CADM2: variants seen among roughly 807,000 people sequenced by gnomAD.
CADM2 encodes the protein immunoglobulin superfamily member 4D.
Under a neutral mutation model 49.8 loss-of-function variants are expected in CADM2, and 12 were observed. The ratio of observed to expected loss-of-function variants is 0.24; its 90% CI spans 0.15 to 0.39. The LOEUF is 0.39. Among genes scored for constraint, CADM2 ranks in the 10% least tolerant of loss-of-function variants. CADM2 has a pLI of 1.00. For synonymous variants in CADM2, 214 were observed against 175.4 expected (o/e 1.22, Z -1.74); for missense variants, 378 against 492.3 (o/e 0.77, Z 2.20).
chr3:85,153,107 C>G (rs531368964), intron 1 of CADM2, among the ~76,000 whole-genome samples: 1 of 152,152 alleles, frequency 6.6e-6, no homozygotes, highest in African/African-American at 2.4e-5. Context: ...AGGAACAGCT[C>G]CAGTCTCCAG....
intron 1 of CADM2, among the ~76,000 whole-genome samples, chr3:85,416,667 G>A (rs935593242): frequency 6.6e-6 from 1 of 152,172 alleles, no homozygotes; most frequent in African/African-American, 2.4e-5. Context: ...CTAGGGACAA[G>A]CCTGGAATAC....
At chr3:85,760,899 G>A (rs73845644) in intron 2 of CADM2, among the ~76,000 whole-genome samples, 8,153 of 152,208 alleles carry the variant, frequency 0.054, 631 homozygotes, top group African/African-American at 0.17. Context: ...CAAAATGGTA[G>A]AAAGGTATAC....
intron 8 of CADM2, among the ~76,000 whole-genome samples, chr3:86,064,810 G>A (rs1342584318): frequency 1.3e-5 from 2 of 152,136 alleles, no homozygotes; most frequent in African/African-American, 2.4e-5. Flanking sequence ...TAAAATCCTA[G>A]TAAATGCAGA....
chr3:85,794,871 A>G (rs1468470157), intron 2 of CADM2, among the ~76,000 whole-genome samples: 2 of 152,168 alleles, frequency 1.3e-5, no homozygotes, highest in African/African-American at 4.8e-5. Context: ...GTTGATTCAT[A>G]CAAAGCAAGG....
At chr3:85,912,997 G>C (rs1355597411) in intron 6 of CADM2, among the ~76,000 whole-genome samples, 1 of 152,082 alleles carries the variant, frequency 6.6e-6, no homozygotes. Flanking sequence ...ATAAATATAG[G>C]AGCTTATTTA....
chr3:85,809,658 C>CCCTTCCTTCCTTCCTT lies in CADM2; in HGVS notation c.238+7508_238+7523dup, dbSNP rs538027252. The stretch of plus-strand genomic sequence containing the variant: ...TATGCTGAAAAATGAAACATTTTCT[C>CCCTTCCTTCCTTCCTT]CCTTCCTTCCTTCCTTCCTTCCTTC... On this transcript the variant is annotated intron_variant, in intron 3 of 9. Coordinates refer to ENST00000383699, the MANE Select transcript of CADM2 (RefSeq NM_001167675.2). 7.5e-4 allele frequency among the ~76,000 whole-genome samples: 52 copies of CCCTTCCTTCCTTCCTT among 68,956 alleles called. 2 individuals carry two copies. Among genetic ancestry groups the CCCTTCCTTCCTTCCTT allele is most frequent in the Non-Finnish European group, 1.1e-3 (38 of 35,880 alleles). The allele number at this position is 68,956 out of a possible 152,430, so 45.2% of individuals were successfully genotyped here.
At chr3:85,487,399 C>T (rs941879317) in intron 1 of CADM2, among the ~76,000 whole-genome samples, 5 of 152,024 alleles carry the variant, frequency 3.3e-5, no homozygotes, top group African/African-American at 1.2e-4. Flanking sequence ...GGTGGTGTGT[C>T]GTGTGCCTGT....
intron 1 of CADM2, among the ~76,000 whole-genome samples, chr3:85,154,464 T>C (rs2040037510): frequency 6.6e-6 from 1 of 152,152 alleles, no homozygotes; most frequent in Non-Finnish European, 1.5e-5. Context: ...TACATCTGAT[T>C]GGTGTACTTG....
intron 8 of CADM2, among the ~76,000 whole-genome samples, chr3:86,024,099 A>G (rs1415907832): frequency 6.6e-6 from 1 of 152,224 alleles, no homozygotes; most frequent in Admixed American, 6.5e-5. Flanking sequence ...TGCAAATATG[A>G]CAGTGTTCAC....
chr3:85,768,317 G>A (rs2069773053), intron 2 of CADM2, among the ~76,000 whole-genome samples: 2 of 151,714 alleles, frequency 1.3e-5, no homozygotes, highest in African/African-American at 4.8e-5. Flanking sequence ...CTGGTGGTGG[G>A]CACCTGCAGT....
intron 1 of CADM2, among the ~76,000 whole-genome samples, chr3:85,394,965 T>A (rs1417787735): frequency 6.6e-6 from 1 of 152,132 alleles, no homozygotes; most frequent in East Asian, 1.9e-4. Context: ...AGTTTTCTCC[T>A]AAAATATCGT....
At chr3:85,460,389 G>T (rs1301231623) in intron 1 of CADM2, among the ~76,000 whole-genome samples, 3 of 151,956 alleles carry the variant, frequency 2.0e-5, no homozygotes, top group Non-Finnish European at 4.4e-5. Context: ...ATTAATAATT[G>T]ATTTTGTACT....
chr3:85,309,263 G>C (rs1412542010), intron 1 of CADM2, among the ~76,000 whole-genome samples: 1 of 152,094 alleles, frequency 6.6e-6, no homozygotes, highest in East Asian at 1.9e-4. Flanking sequence ...AGGTGAATAA[G>C]AATACAAGCT....
intron 1 of CADM2, among the ~76,000 whole-genome samples, chr3:85,194,777 A>T (rs1401430759): frequency 1.3e-5 from 2 of 152,060 alleles, no homozygotes; most frequent in Non-Finnish European, 2.9e-5. Context: ...ATAGATTAAG[A>T]AGTGTCGTGA....
At chr3:85,863,283 T>G (rs1037354790) in intron 3 of CADM2, among the ~76,000 whole-genome samples, 3 of 152,166 alleles carry the variant, frequency 2.0e-5, no homozygotes, top group African/African-American at 7.2e-5. Flanking sequence ...ATGGTTGGAA[T>G]GTCCCCTCCA....
intron 1 of CADM2, among the ~76,000 whole-genome samples, chr3:85,196,962 A>G (rs775731389): frequency 2.6e-5 from 4 of 151,932 alleles, no homozygotes; most frequent in African/African-American, 7.2e-5. Context: ...CAAAGTATAT[A>G]TGGTAAAGCA....
intron 7 of CADM2, among the ~76,000 whole-genome samples, chr3:85,959,057 T>G (rs1313843940): frequency 2.0e-5 from 3 of 150,926 alleles, no homozygotes; most frequent in South Asian, 2.1e-4. Context: ...TATCTATATA[T>G]CTATATCTAT....
intron 6 of CADM2, among the ~76,000 whole-genome samples, chr3:85,928,556 A>T (rs1720202652): frequency 6.7e-6 from 1 of 148,520 alleles, no homozygotes; most frequent in Non-Finnish European, 1.5e-5. Context: ...GTAAAGCAAT[A>T]AAAAAAAAAT....
chr3:85,721,736 C>A (rs2067511168), intron 1 of CADM2, among the ~76,000 whole-genome samples: 1 of 152,188 alleles, frequency 6.6e-6, no homozygotes, highest in African/African-American at 2.4e-5. Flanking sequence ...GGAGCCACAG[C>A]CCTGGAATGG....
Sources: allele counts gnomAD v4.1 joint callset (sites outside exome capture counted in the v4.1 genomes callset), GRCh38; gene constraint gnomAD v4.1.1; transcripts MANE v1.5; gene names NCBI Gene and HGNC (gene_info 2026-07-23, HGNC 2026-07-21).